JAK1: variants seen among roughly 807,000 people sequenced by gnomAD.
JAK1 encodes the protein tyrosine-protein kinase JAK1.
A neutral mutation model predicts 136.6 loss-of-function variants in JAK1; 16 were observed. The ratio of observed to expected loss-of-function variants is 0.12; its 90% confidence interval spans 0.08 to 0.18. The LOEUF (loss-of-function observed/expected upper bound fraction) is 0.18, where lower values mean the gene tolerates loss of function less well. JAK1 is among the 10% of genes least tolerant of loss of function. The probability of loss-of-function intolerance (pLI) is 1.00; values close to 1 mark genes in which losing one functional copy is unlikely to be tolerated. For missense variants in JAK1, 859 were observed against 1,450.1 expected (o/e 0.59, Z 6.62); for synonymous variants, 492 against 519.5 (o/e 0.95, Z 0.72).
At chr1:65,002,790 C>A (rs1646771663) in intron 2 of JAK1, among the ~76,000 whole-genome samples, 1 of 152,208 alleles carries the variant, frequency 6.6e-6, no homozygotes, top group Admixed American at 6.5e-5. Flanking sequence ...TGTGGCCAGT[C>A]TGCGCCTGCC....
chr1:64,910,169 A>G (rs1429009751), intron 1 of JAK1, among the ~76,000 whole-genome samples: 5 of 152,234 alleles, frequency 3.3e-5, no homozygotes, highest in Non-Finnish European at 7.3e-5. Context: ...AAGGCAGTTT[A>G]TAAGAACACA....
At chr1:64,975,648 T>C (rs879911355) in intron 2 of JAK1, among the ~76,000 whole-genome samples, 4 of 152,232 alleles carry the variant, frequency 2.6e-5, no homozygotes, top group Non-Finnish European at 4.4e-5. Context: ...TGATGTTTTT[T>C]TGAGAAATGT....
intron 1 of JAK1, among the ~76,000 whole-genome samples, chr1:65,058,086 G>A (rs1036477710): frequency 2.6e-5 from 4 of 151,992 alleles, no homozygotes; most frequent in African/African-American, 4.8e-5. Context: ...GTACTGACAA[G>A]TGCCAAGCTG....
intron 1 of JAK1, among the ~76,000 whole-genome samples, chr1:65,060,553 A>C (rs1423669979): frequency 6.6e-6 from 1 of 152,200 alleles, no homozygotes; most frequent in Non-Finnish European, 1.5e-5. Flanking sequence ...TTTTTGGTAA[A>C]GTAAAAGATA....
At chr1:64,951,966 C>T (rs1354995836) in intron 1 of JAK1, among the ~76,000 whole-genome samples, 1 of 152,126 alleles carries the variant, frequency 6.6e-6, no homozygotes, top group East Asian at 1.9e-4. Flanking sequence ...ACAAGTTCTG[C>T]CTTTTAAAGA....
chr1:64,844,253 G>A lies in JAK1; in HGVS notation c.2252-38C>T, dbSNP rs1655087543. ...AGACACACTGATGGAGCAGTTTCTG[G>A]GATCTCCTAGGGATTCAATTACTGT... is the stretch of plus-strand genomic sequence containing the variant. On this transcript the variant is annotated intron_variant, in intron 16 of 24. Transcript: ENST00000342505. This position sits in a 1 kb window ranked among gnomAD's most constrained non-coding sequence, Gnocchi z 5.7. The A allele has an allele frequency of 6.2e-7, 1 of 1,612,598 alleles. No homozygotes were observed. The highest frequency in any genetic ancestry group is 1.3e-5 in the African/African-American group (1 of 74,898).
intron 6 of JAK1, among the ~76,000 whole-genome samples, chr1:64,868,906 T>C (rs971357026): frequency 6.6e-6 from 1 of 152,226 alleles, no homozygotes; most frequent in Non-Finnish European, 1.5e-5. Context: ...TACTGTAACG[T>C]GTTCAGAGTT....
At chr1:64,907,637 T>C (rs1645212510) in intron 1 of JAK1, among the ~76,000 whole-genome samples, 2 of 152,226 alleles carry the variant, frequency 1.3e-5, no homozygotes, top group South Asian at 2.1e-4. Flanking sequence ...CAAACATGCA[T>C]GGCACAAGTT....
rs186388076 is a variant in JAK1, at chr1:65,044,011, C to T, written c.-78+469G>A. On this transcript the variant is annotated intron_variant, in intron 2 of 25. Transcript: ENST00000671954. ...TGCTGGGATTACAGACGTGAGTCAC[C>T]GCACCTGGCTGAATTTTTGTATTTT... 5.3e-5 allele frequency among the ~76,000 whole-genome samples: 8 copies of T among 152,024 alleles called. No individual in the cohort carries two copies. In the South Asian group the frequency reaches 1.5e-3, roughly 28 times the overall value.
At position 64,928,786 on chromosome 1, in the gene JAK1, A is replaced by AAAAAAAAC. The variant is rs1553169995; in HGVS notation, c.-78+37546_-78+37547insGTTTTTTT. Among the ~76,000 whole-genome samples, 112 of 117,916 alleles carry AAAAAAAAC rather than the reference A, an allele frequency of 9.5e-4. 2 individuals are homozygous for AAAAAAAAC. Among genetic ancestry groups the AAAAAAAAC allele is most frequent in the East Asian group, 3.7e-3 (10 of 2,700 alleles). 77.4% of individuals were successfully genotyped at this position (117,916 alleles called of 152,430 possible). A position where few individuals can be genotyped will look rare whatever the true frequency, so the allele number is the denominator to read the frequency against. Reference sequence around the variant, plus strand: ...AGTGCTATAAAACTCTGCAAAAAAAAAAAAAAAAAACAAAAAAAAAAAACT... The same window carrying AAAAAAAAC: ...AGTGCTATAAAACTCTGCAAAAAAAAAAAAAAACAAAAAAAAAACAAAAAAAAAAAACT... On this transcript the variant is annotated intron_variant, in intron 1 of 24. Coordinates refer to ENST00000342505, the MANE Select transcript of JAK1 (RefSeq NM_002227.4).
intron 2 of JAK1, among the ~76,000 whole-genome samples, chr1:65,044,063 G>A (rs939478240): frequency 6.6e-6 from 1 of 152,054 alleles, no homozygotes; most frequent in Non-Finnish European, 1.5e-5. Flanking sequence ...CACTGTGTTG[G>A]CCAGGCTGGT....
At chr1:64,885,053 G>A (rs1473086921) in intron 2 of JAK1, among the ~76,000 whole-genome samples, 1 of 152,158 alleles carries the variant, frequency 6.6e-6, no homozygotes, top group Non-Finnish European at 1.5e-5. Flanking sequence ...CCCTGGTGAG[G>A]AGAGATTCTG....
chr1:65,049,558 G>A (rs1647228978), intron 1 of JAK1, among the ~76,000 whole-genome samples: 1 of 152,182 alleles, frequency 6.6e-6, no homozygotes. Flanking sequence ...CTTTCTGACT[G>A]GCCACGGGTC....
intron 2 of JAK1, among the ~76,000 whole-genome samples, chr1:64,999,848 T>G (rs550743061): frequency 1.3e-5 from 2 of 152,132 alleles, no homozygotes; most frequent in Non-Finnish European, 2.9e-5. Flanking sequence ...TGAACTACAG[T>G]GTATTTTTTT....
chr1:64,941,025 G>A (rs1181933488), intron 1 of JAK1, among the ~76,000 whole-genome samples: 13 of 152,096 alleles, frequency 8.5e-5, no homozygotes, highest in African/African-American at 2.9e-4. Flanking sequence ...TTAGCCAGGC[G>A]TGGTGGCGCA....
In JAK1 at chr1:65,036,487, A is replaced by G. The variant is rs532999241; in HGVS notation, c.-78+7993T>C. 3.9e-5 allele frequency among the ~76,000 whole-genome samples: 6 copies of G among 152,302 alleles called. No individual in the cohort carries two copies. In the South Asian group the frequency reaches 1.2e-3, roughly 32 times the overall value. ...ACAAGGTATGGGCAGCAAAAGTCTG[A>G]AGGAAATAAGAGACCAGAGAAGGGT... On this transcript the variant is annotated intron_variant, in intron 2 of 25. Coordinates refer to the JAK1 transcript ENST00000671954.
At chr1:64,839,578 C>T (rs755489935) in intron 20 of JAK1, 25 bp downstream of exon 20, 12 of 1,603,008 alleles carry the variant, frequency 7.5e-6, no homozygotes, top group South Asian at 3.3e-5. Flanking sequence ...ATCTTTAAAC[C>T]GGACCCCAGC....
chr1:64,898,058 C>T (rs902399971), intron 1 of JAK1, among the ~76,000 whole-genome samples: 1 of 146,026 alleles, frequency 6.8e-6, no homozygotes, highest in African/African-American at 2.5e-5. Flanking sequence ...CCCCACCTCG[C>T]TATACACACA....
At chr1:64,985,046 A>G (rs936578678) in intron 2 of JAK1, 4 of 866,822 alleles carry the variant, frequency 4.6e-6, no homozygotes, top group Non-Finnish European at 8.0e-6. Flanking sequence ...ACAAACAAAC[A>G]GACATGAGGA....
Sources: allele counts gnomAD v4.1 joint callset (sites outside exome capture counted in the v4.1 genomes callset), GRCh38; gene constraint gnomAD v4.1.1; non-coding constraint Gnocchi (gnomAD v3.1); transcripts MANE v1.5; gene names NCBI Gene and HGNC (gene_info 2026-07-23, HGNC 2026-07-21).